Variants in LRBA observed in about 807,000 individuals in gnomAD.
The protein encoded by LRBA is LPS responsive beige-like anchor protein.
A neutral mutation model predicts 330.0 loss-of-function variants in LRBA; 176 were observed. The observed-to-expected ratio is 0.53, with a 90% confidence interval of 0.47 to 0.60. LRBA has a LOEUF of 0.60. Among genes scored for constraint, LRBA ranks in the 20% least tolerant of loss-of-function variants. The probability of loss-of-function intolerance (pLI) is 0.00; values close to 1 mark genes in which losing one functional copy is unlikely to be tolerated. For synonymous variants in LRBA, 1,230 were observed against 1,193.0 expected (o/e 1.03, Z -0.64); for missense variants, 3,259 against 3,444.8 (o/e 0.95, Z 1.35).
chr4:150,743,763 A>G (rs1232464554), intron 35 of LRBA, among the ~76,000 whole-genome samples: 1 of 152,226 alleles, frequency 6.6e-6, no homozygotes, highest in Non-Finnish European at 1.5e-5. Context: ...TTTACAGAAA[A>G]AGCATGCACA....
intron 37 of LRBA, among the ~76,000 whole-genome samples, chr4:150,676,686 C>A (rs1782589582): frequency 2.0e-5 from 3 of 151,966 alleles, no homozygotes; most frequent in African/African-American, 4.8e-5. Context: ...CCATATAAAA[C>A]CATAATATTT....
chr4:150,505,590 G>A (rs1300923305), intron 40 of LRBA, among the ~76,000 whole-genome samples: 1 of 152,130 alleles, frequency 6.6e-6, no homozygotes, highest in Non-Finnish European at 1.5e-5. Flanking sequence ...AGTGTGTAGA[G>A]GGAAATTTAT....
chr4:150,667,626 A>C (rs1233177408), intron 37 of LRBA, among the ~76,000 whole-genome samples: 1 of 152,152 alleles, frequency 6.6e-6, no homozygotes, highest in Non-Finnish European at 1.5e-5. Flanking sequence ...CTTAGTCAGT[A>C]ATTAGATTGT....
intron 40 of LRBA, among the ~76,000 whole-genome samples, chr4:150,540,949 C>T (rs568375660): frequency 2.3e-4 from 35 of 152,114 alleles, no homozygotes; most frequent in Non-Finnish European, 3.8e-4. Flanking sequence ...TATAGAGCAG[C>T]GGAAATCATA....
In LRBA at chr4:150,831,902, G is replaced by A; in HGVS notation, c.4644C>T (p.Tyr1548=). ...CATTTTGGGGTTCCAAAATGTCTCT[G>A]TACTTGGAGACCATAAGAACAGAGA... ...YFISVLMVSK[Y]RDILEPQNER... Residue 1548 remains tyrosine, a synonymous_variant, in exon 29 of 57, where the codon TAC becomes TAT. Transcript: ENST00000651943. The A allele has an allele frequency of 1.2e-6, 2 of 1,603,330 alleles. No homozygotes were observed. The highest frequency in any genetic ancestry group is 1.7e-6 in the Non-Finnish European group (2 of 1,174,332).
At chr4:150,645,415 T>C (rs1379261250) in intron 37 of LRBA, among the ~76,000 whole-genome samples, 1 of 151,940 alleles carries the variant, frequency 6.6e-6, no homozygotes, top group Admixed American at 6.6e-5. Flanking sequence ...TTACTTTATA[T>C]ACTTTTCTGT....
chr4:150,794,477 A>T lies in LRBA; in HGVS notation c.5580+3604T>A, dbSNP rs1165434906. On this transcript the variant is annotated intron_variant, in intron 34 of 56. Transcript: ENST00000651943. ...AGAACAAAAAATAAAGAAACGTTTT[A>T]CTGAAGATTCAGGAAAAAAATTCAA... 3.3e-5 allele frequency among the ~76,000 whole-genome samples: 5 copies of T among 152,012 alleles called. No homozygotes were observed. The East Asian group carries it at 9.6e-4, about 29-fold the overall frequency.
chr4:150,276,225 G>T lies in LRBA; in HGVS notation c.8468+1628C>A, dbSNP rs575608001. 3.9e-5 allele frequency among the ~76,000 whole-genome samples: 6 copies of T among 152,320 alleles called. No homozygotes were observed. The South Asian group carries it at 1.2e-3, about 32-fold the overall frequency. Reference sequence around the variant, plus strand: ...TAAATGGTGTTGGGAAAACTGGCTAGCCATATGCAGAAAACTGAAACTGGA... The same window carrying T: ...TAAATGGTGTTGGGAAAACTGGCTATCCATATGCAGAAAACTGAAACTGGA... On this transcript the variant is annotated intron_variant, in intron 56 of 56. Transcript: ENST00000651943.
chr4:150,267,620 C>T (rs1454636685), intron 56 of LRBA, among the ~76,000 whole-genome samples: 2 of 152,030 alleles, frequency 1.3e-5, no homozygotes, highest in African/African-American at 2.4e-5. Flanking sequence ...AGAAAACAGA[C>T]AAAACCCCAG....
At chr4:150,289,277 G>A (rs1387584255) in intron 53 of LRBA, among the ~76,000 whole-genome samples, 2 of 152,050 alleles carry the variant, frequency 1.3e-5, no homozygotes, top group Non-Finnish European at 2.9e-5. Context: ...TCACTCCACA[G>A]ATCAGAACAC....
chr4:150,936,065 A>C (rs1735052958), intron 2 of LRBA, among the ~76,000 whole-genome samples: 1 of 152,012 alleles, frequency 6.6e-6, no homozygotes, highest in Non-Finnish European at 1.5e-5. Flanking sequence ...AAAAATCCAA[A>C]TGACACTTGC....
intron 40 of LRBA, among the ~76,000 whole-genome samples, chr4:150,503,417 A>G (rs1331306411): frequency 1.3e-5 from 2 of 152,150 alleles, no homozygotes; most frequent in Non-Finnish European, 2.9e-5. Flanking sequence ...TTCTGCAGCC[A>G]CCGCTGCTGA....
chr4:150,490,981 A>T lies in LRBA; in HGVS notation c.6385T>A (p.Ser2129Thr). 6.2e-7 allele frequency: 1 copy of T among 1,610,072 alleles called. No individual in the cohort carries two copies. The highest frequency in any genetic ancestry group is 8.5e-7 in the Non-Finnish European group (1 of 1,177,448). Reference protein sequence around the residue: ...HGKWLFTEIRSIFSRRYLLQN... With the variant: ...HGKWLFTEIRTIFSRRYLLQN... ...AAAAGATAACGACGAGAAAAGATTG[A>T]TCGTATCTCTGTGAACAGCCATTTT... The change falls in exon 41 of 57, where the codon TCA (serine) becomes ACA (threonine). Residue 2129 changes from serine to threonine, a missense_variant. Transcript: ENST00000651943.
At chr4:150,541,839 T>C (rs1053852236) in intron 40 of LRBA, among the ~76,000 whole-genome samples, 97 of 152,152 alleles carry the variant, frequency 6.4e-4, no homozygotes, top group African/African-American at 2.3e-3. Context: ...CTATCACACC[T>C]GGCTAATTTA....
intron 37 of LRBA, among the ~76,000 whole-genome samples, chr4:150,652,051 C>G (rs765332701): frequency 3.3e-5 from 5 of 152,138 alleles, no homozygotes; most frequent in Non-Finnish European, 5.9e-5. Context: ...GCCATGTTGC[C>G]CAAGCTGGTC....
At chr4:150,460,314 G>T (rs1489083762) in intron 44 of LRBA, among the ~76,000 whole-genome samples, 1 of 146,508 alleles carries the variant, frequency 6.8e-6, no homozygotes, top group African/African-American at 2.5e-5. Flanking sequence ...GATACATGAA[G>T]GAGAGAAAAA....
chr4:150,762,203 G>A (rs1258756242), intron 34 of LRBA, among the ~76,000 whole-genome samples: 2 of 151,962 alleles, frequency 1.3e-5, no homozygotes, highest in Middle Eastern at 3.4e-3. Flanking sequence ...ATTTTAAGAT[G>A]TATTACCCAA....
intron 40 of LRBA, chr4:150,579,772 A>G (rs755845572): frequency 2.2e-6 from 1 of 454,348 alleles, no homozygotes; most frequent in South Asian, 1.6e-5. Context: ...GCGGCGGCGG[A>G]GCCATGCGAA....
Position 150,734,055 on chromosome 4 carries a change from T to C in LRBA, c.5754+1203A>G, listed in dbSNP as rs74766649. Among the ~76,000 whole-genome samples, 937 of 152,290 alleles carry C rather than the reference T, an allele frequency of 6.2e-3. 4 individuals are homozygous for C. Among genetic ancestry groups the C allele is most frequent in the Non-Finnish European group, 0.01 (696 of 67,988 alleles). ...AGTGACAGTAGGTATCACTCATTTT[T>C]CCTGATTTTAAAAGAGATGACTTTA... On this transcript the variant is annotated intron_variant, in intron 36 of 56. Coordinates refer to ENST00000651943, the MANE Select transcript of LRBA (RefSeq NM_001364905.1).
Sources: gnomAD v4.1 joint callset for allele counts (sites outside exome capture counted in the v4.1 genomes callset) on GRCh38, gnomAD v4.1.1 for gene constraint, MANE v1.5 for transcripts, NCBI Gene and HGNC (gene_info 2026-07-23, HGNC 2026-07-21) for gene names.